Variants in SIPA1L1 observed in about 807,000 individuals in gnomAD.
SIPA1L1 encodes the protein signal induced proliferation associated 1 like 1, also known as signal-induced proliferation-associated 1-like protein 1.
In SIPA1L1, 26 loss-of-function variants were observed where a neutral mutation model predicts 162.7. The observed-to-expected ratio is 0.16, with a 90% CI of 0.12 to 0.22. SIPA1L1 has a LOEUF of 0.22. Ranked by LOEUF, SIPA1L1 falls within the 10% of genes least tolerant of loss-of-function variation. The probability of loss-of-function intolerance (pLI) is 1.00; values close to 1 mark genes in which losing one functional copy is unlikely to be tolerated. For synonymous variants in SIPA1L1, 829 were observed against 837.4 expected (o/e 0.99, Z 0.17); for missense variants, 1,874 against 2,241.0 (o/e 0.84, Z 3.31).
intron 5 of SIPA1L1, among the ~76,000 whole-genome samples, chr14:71,616,402 T>C (rs1034750181): frequency 6.6e-6 from 1 of 152,114 alleles, no homozygotes; most frequent in African/African-American, 2.4e-5. Flanking sequence ...AAGTTTCCAA[T>C]GGAAGAAAGG....
chr14:71,708,346 G>T (rs1269927922), intron 16 of SIPA1L1, among the ~76,000 whole-genome samples: 12 of 149,106 alleles, frequency 8.0e-5, no homozygotes, highest in African/African-American at 1.7e-4. Context: ...TTGAGACAGG[G>T]TATCACTCTG....
intron 5 of SIPA1L1, among the ~76,000 whole-genome samples, chr14:71,593,046 T>G (rs2147770818): frequency 6.6e-6 from 1 of 152,284 alleles, no homozygotes; most frequent in South Asian, 2.1e-4. Context: ...TAATGCCCAT[T>G]GGACATTAAG....
At chr14:71,601,172 A>G (rs2036704945) in intron 5 of SIPA1L1, among the ~76,000 whole-genome samples, 1 of 152,112 alleles carries the variant, frequency 6.6e-6, no homozygotes, top group African/African-American at 2.4e-5. Context: ...GTCTTGTTCC[A>G]ATTCTTAGAG....
intron 2 of SIPA1L1, among the ~76,000 whole-genome samples, chr14:71,502,319 A>ACCTCCG (rs1198779827): frequency 1.4e-5 from 2 of 146,128 alleles, no homozygotes; most frequent in Admixed American, 6.9e-5. Context: ...CTGGAGTGTA[A>ACCTCCG]CCTCCGCCTC....
intron 5 of SIPA1L1, among the ~76,000 whole-genome samples, chr14:71,612,582 G>A (rs1051299607): frequency 1.3e-5 from 2 of 152,144 alleles, no homozygotes; most frequent in Non-Finnish European, 2.9e-5. Context: ...CCTCAGGGAA[G>A]TATGCAACTG....
At chr14:71,616,168 G>C (rs1206116122) in intron 5 of SIPA1L1, among the ~76,000 whole-genome samples, 1 of 152,214 alleles carries the variant, frequency 6.6e-6, no homozygotes, top group African/African-American at 2.4e-5. Flanking sequence ...AGAACAGCCA[G>C]AGCGGTAGAA....
intron 6 of SIPA1L1, among the ~76,000 whole-genome samples, chr14:71,622,222 A>G (rs1051409848): frequency 6.6e-6 from 1 of 152,246 alleles, no homozygotes; most frequent in Non-Finnish European, 1.5e-5. Context: ...TAGTATAAAT[A>G]AACATTGCAA....
At chr14:71,651,952 TATATA>T (rs559188550) in intron 8 of SIPA1L1, among the ~76,000 whole-genome samples, 18 of 152,194 alleles carry the variant, frequency 1.2e-4, no homozygotes, top group Non-Finnish European at 1.9e-4. Context: ...GTTTTGGAAT[TATATA>T]ATACCTTCAA....
At chr14:71,594,179 C>T (rs1176113036) in intron 5 of SIPA1L1, among the ~76,000 whole-genome samples, 2 of 152,108 alleles carry the variant, frequency 1.3e-5, no homozygotes, top group Non-Finnish European at 2.9e-5. Flanking sequence ...TGTAATCAGC[C>T]ATCTTTAACA....
chr14:71,445,199 A>T (rs561149132), intron 2 of SIPA1L1, among the ~76,000 whole-genome samples: 1 of 152,292 alleles, frequency 6.6e-6, no homozygotes, highest in South Asian at 2.1e-4. Context: ...AAATCTTCTG[A>T]TGTCATAGAA....
chr14:71,434,219 G>A (rs1435138132), intron 2 of SIPA1L1, among the ~76,000 whole-genome samples: 1 of 152,196 alleles, frequency 6.6e-6, no homozygotes, highest in Non-Finnish European at 1.5e-5. Flanking sequence ...AGCCTCTACT[G>A]TTAAGGACCT....
At chr14:71,330,568 C>T (rs978996947) in intron 2 of SIPA1L1, 5 of 1,226,774 alleles carry the variant, frequency 4.1e-6, no homozygotes, top group South Asian at 1.2e-5. Context: ...GGCCTTTCCT[C>T]CTCAGATGTT....
At chr14:71,618,598 C>A (rs930856172) in intron 5 of SIPA1L1, among the ~76,000 whole-genome samples, 159 bp from the exon 6 acceptor site, 3 of 152,150 alleles carry the variant, frequency 2.0e-5, no homozygotes, top group African/African-American at 7.2e-5. Flanking sequence ...GTAGCCAAGT[C>A]TTTGTTTTTA....
At chr14:71,443,037 A>T (rs2045038330) in intron 2 of SIPA1L1, among the ~76,000 whole-genome samples, 1 of 152,216 alleles carries the variant, frequency 6.6e-6, no homozygotes, top group Admixed American at 6.5e-5. Flanking sequence ...TTGCACATTG[A>T]GATGGTTATT....
intron 5 of SIPA1L1, among the ~76,000 whole-genome samples, chr14:71,590,921 C>G (rs1161448017): frequency 6.6e-6 from 1 of 152,082 alleles, no homozygotes; most frequent in Admixed American, 6.6e-5. Flanking sequence ...TTCCTCCTCC[C>G]TCTAGTTGTG....
intron 12 of SIPA1L1, among the ~76,000 whole-genome samples, chr14:71,674,725 C>T (rs917177062): frequency 4.0e-5 from 6 of 151,668 alleles, no homozygotes; most frequent in East Asian, 1.9e-4. Flanking sequence ...CCACTACGCC[C>T]GGCTAATTTT....
In SIPA1L1 at chr14:71,708,426, G is replaced by A. The variant is rs1227753889; in HGVS notation, c.3766-796G>A. Among the ~76,000 whole-genome samples the A allele has an allele frequency of 4.0e-5, 6 of 151,626 alleles. No homozygotes were observed. In the East Asian group the frequency reaches 1.2e-3, roughly 29 times the overall value. On this transcript the variant is annotated intron_variant, in intron 16 of 23. Transcript: ENST00000381232. ...TGTAGCCTCAACCTCCTGGGCTCAA[G>A]CGATCCTCCCACCTCAGCCTCCTAT...
intron 5 of SIPA1L1, among the ~76,000 whole-genome samples, chr14:71,608,663 G>A (rs191513553): frequency 6.6e-6 from 1 of 152,250 alleles, no homozygotes; most frequent in Non-Finnish European, 1.5e-5. Flanking sequence ...TTGGGAGGCC[G>A]AGGCAGGCAG....
At position 71,733,733 on chromosome 14, in the gene SIPA1L1, C is replaced by T. The variant is rs754280227; in HGVS notation, c.4929C>T (p.Asp1643=). 1.6e-5 allele frequency: 26 copies of T among 1,613,790 alleles called. No homozygotes were observed. Among genetic ancestry groups the T allele is most frequent in the Non-Finnish European group, 8.5e-7 (1 of 1,180,042 alleles). ...AGACCCGCAGGCAGCCTATGCCCGA[C>T]CCTGGCCTGATGCCCCTGCCTGACA... The part of the protein sequence containing the change: ...IQETRRQPMP[D]PGLMPLPDTA... The change falls in exon 21 of 24, where the codon GAC becomes GAT. Residue 1643 remains aspartate (D), a synonymous_variant. Transcript: ENST00000381232.
Sources: allele counts gnomAD v4.1 joint callset (sites outside exome capture counted in the v4.1 genomes callset), GRCh38; gene constraint gnomAD v4.1.1; transcripts MANE v1.5; gene names NCBI Gene and HGNC (gene_info 2026-07-23, HGNC 2026-07-21).